Variants in MYO3B observed in about 807,000 individuals in gnomAD.
The protein encoded by MYO3B is myosin IIIB, also known as myosin-IIIb.
Under a neutral mutation model 174.6 loss-of-function variants are expected in MYO3B, and 156 were observed. The ratio of observed to expected loss-of-function variants is 0.89; its 90% CI spans 0.78 to 1.02. The LOEUF (loss-of-function observed/expected upper bound fraction) is 1.02, where lower values mean the gene tolerates loss of function less well. Among genes scored for constraint, MYO3B ranks in the 50% least tolerant of loss-of-function variants. The pLI is 0.00. For synonymous variants in MYO3B, 563 were observed against 569.1 expected (o/e 0.99, Z 0.15); for missense variants, 1,632 against 1,639.4 (o/e 1.00, Z 0.08).
chr2:170,514,992 C>T lies in MYO3B; in HGVS notation c.3442C>T (p.Gln1148Ter), dbSNP rs753387757. The change falls in exon 29 of 35, where the codon CAA becomes TAA. Residue 1148 changes from glutamine (Q) to a stop codon, truncating the protein, a stop_gained. Transcript: ENST00000408978. LOFTEE classifies it high-confidence loss of function. ...AGGTACGAGGGGAAGTGCCGAGGTT[C>T]AAGACTGCAGCGAGCCTGGTGACCA... ...AAGTRGSAEV[Q>*]DCSEPGDHKV... The T allele has an allele frequency of 1.4e-5, 23 of 1,613,910 alleles. No individual in the cohort carries two copies. Among genetic ancestry groups the T allele is most frequent in the South Asian group, 2.2e-5 (2 of 91,056 alleles).
intron 32 of MYO3B, among the ~76,000 whole-genome samples, chr2:170,555,839 T>C (rs771481813): frequency 5.3e-5 from 8 of 151,820 alleles, no homozygotes; most frequent in Non-Finnish European, 1.0e-4. Flanking sequence ...ACCACTGCAC[T>C]CCAGCCTAGG....
At chr2:170,224,422 G>A (rs1049446492) in intron 6 of MYO3B, among the ~76,000 whole-genome samples, 2 of 152,186 alleles carry the variant, frequency 1.3e-5, no homozygotes, top group Admixed American at 6.5e-5. Context: ...TCACTTTACA[G>A]TGTGTTCATA....
At chr2:170,514,900 T>C in intron 28 of MYO3B, 21 bp from the exon 29 acceptor site, 1 of 1,607,714 alleles carries the variant, frequency 6.2e-7, no homozygotes, top group Non-Finnish European at 8.5e-7. Flanking sequence ...CTTGAGAAAG[T>C]CTTTTTGTTT....
chr2:170,582,343 T>A (rs916407383), intron 32 of MYO3B, among the ~76,000 whole-genome samples: 1 of 152,336 alleles, frequency 6.6e-6, no homozygotes, highest in East Asian at 1.9e-4. Context: ...AAAGGCTTCG[T>A]GGCAAATGTG....
At chr2:170,270,195 A>C (rs1221742662) in intron 7 of MYO3B, among the ~76,000 whole-genome samples, 2 of 152,198 alleles carry the variant, frequency 1.3e-5, no homozygotes, top group African/African-American at 4.8e-5. Flanking sequence ...GTATTATTTA[A>C]ATATTTTACA....
At chr2:170,530,999 AC>A (rs1444661417) in intron 30 of MYO3B, among the ~76,000 whole-genome samples, 1 of 151,878 alleles carries the variant, frequency 6.6e-6, no homozygotes, top group Non-Finnish European at 1.5e-5. Context: ...CCTCTCCTCC[AC>A]CCCAACATGG....
chr2:170,277,963 A>G (rs745874524), intron 7 of MYO3B, among the ~76,000 whole-genome samples: 101 of 152,308 alleles, frequency 6.6e-4, no homozygotes, highest in Non-Finnish European at 9.9e-4. Context: ...TTTAAAAATT[A>G]TGTGTGTGCC....
At chr2:170,233,532 G>A (rs1264003704) in intron 6 of MYO3B, among the ~76,000 whole-genome samples, 1 of 152,184 alleles carries the variant, frequency 6.6e-6, no homozygotes, top group Non-Finnish European at 1.5e-5. Flanking sequence ...GGAAAGGGAG[G>A]TCTTTGGGGG....
chr2:170,311,098 C>T (rs1000925587), intron 7 of MYO3B, among the ~76,000 whole-genome samples: 3 of 152,068 alleles, frequency 2.0e-5, no homozygotes, highest in African/African-American at 7.2e-5. Flanking sequence ...TGTGTGTATG[C>T]TTGTTTGAAT....
intron 22 of MYO3B, among the ~76,000 whole-genome samples, chr2:170,416,035 G>A (rs1259836539): frequency 6.6e-6 from 1 of 152,120 alleles, no homozygotes; most frequent in African/African-American, 2.4e-5. Flanking sequence ...TGTCCTTAGG[G>A]TGAGCCCCTA....
In MYO3B at chr2:170,402,840, T is replaced by C. The variant is rs555841822; in HGVS notation, c.2130-8T>C. Reference sequence around the variant, plus strand: ...CCCTAAAGAGTTTTGTTCTTCTCTCTCATGCAGTAGTGCAGGAGGTGGAAT... The same window carrying C: ...CCCTAAAGAGTTTTGTTCTTCTCTCCCATGCAGTAGTGCAGGAGGTGGAAT... On this transcript the variant is annotated splice_region_variant and splice_polypyrimidine_tract_variant and intron_variant, in intron 18 of 34. Coordinates refer to ENST00000408978, the MANE Select transcript of MYO3B (RefSeq NM_138995.5). 5.0e-6 allele frequency: 8 copies of C among 1,599,894 alleles called. No individual in the cohort carries two copies. The East Asian group carries it at 1.1e-4, about 22-fold the overall frequency.
At chr2:170,363,453 G>GGC (rs1481183784) in intron 8 of MYO3B, among the ~76,000 whole-genome samples, 1 of 152,172 alleles carries the variant, frequency 6.6e-6, no homozygotes, top group African/African-American at 2.4e-5. Flanking sequence ...TACAGGCACA[G>GGC]AGTAGCTGTG....
chr2:170,599,445 A>C (rs544465004), intron 32 of MYO3B, among the ~76,000 whole-genome samples: 1 of 152,074 alleles, frequency 6.6e-6, no homozygotes, highest in Admixed American at 6.6e-5. Context: ...TTTTCTTTCT[A>C]TTTATCATTT....
chr2:170,239,323 A>G (rs182934582), intron 7 of MYO3B, among the ~76,000 whole-genome samples: 7 of 152,344 alleles, frequency 4.6e-5, no homozygotes, highest in Non-Finnish European at 8.8e-5. Context: ...GTGGAAATAT[A>G]CAATTATGTT....
At chr2:170,546,667 T>G (rs1156235219) in intron 32 of MYO3B, among the ~76,000 whole-genome samples, 1 of 152,246 alleles carries the variant, frequency 6.6e-6, no homozygotes, top group Admixed American at 6.5e-5. Context: ...GTTTTTCCGT[T>G]TCGCATATAT....
chr2:170,583,071 G>A (rs1191320495), intron 32 of MYO3B, among the ~76,000 whole-genome samples: 4 of 76,414 alleles, frequency 5.2e-5, no homozygotes, highest in Non-Finnish European at 9.4e-5. Context: ...CTGACACCCC[G>A]CACACCCCCC....
intron 22 of MYO3B, among the ~76,000 whole-genome samples, chr2:170,412,693 C>A (rs1421424779): frequency 6.6e-6 from 1 of 152,176 alleles, no homozygotes; most frequent in Non-Finnish European, 1.5e-5. Context: ...AAGAGAGCGC[C>A]TTTTGGTATC....
chr2:170,313,644 A>T (rs1168853156), intron 7 of MYO3B, among the ~76,000 whole-genome samples: 1 of 152,118 alleles, frequency 6.6e-6, no homozygotes, highest in Non-Finnish European at 1.5e-5. Context: ...TCTCTTCAAA[A>T]TGCTCCTTTG....
At chr2:170,305,356 T>C (rs1283643803) in intron 7 of MYO3B, among the ~76,000 whole-genome samples, 1 of 152,190 alleles carries the variant, frequency 6.6e-6, no homozygotes, top group Non-Finnish European at 1.5e-5. Context: ...TAAGGTATAT[T>C]TTCTTAACTG....
Sources: allele counts gnomAD v4.1 joint callset (sites outside exome capture counted in the v4.1 genomes callset), GRCh38; gene constraint gnomAD v4.1.1; transcripts MANE v1.5; gene names NCBI Gene and HGNC (gene_info 2026-07-23, HGNC 2026-07-21).